The following STK33 variants were observed in gnomAD, a reference collection of about 807,000 sequenced individuals.
STK33 encodes serine/threonine-protein kinase 33.
STK33 carries 52 observed loss-of-function variants against 58.0 expected under a neutral mutation model. The observed-to-expected ratio is 0.90, with a 90% CI of 0.72 to 1.13. The LOEUF (loss-of-function observed/expected upper bound fraction) is 1.13. Among genes scored for constraint, STK33 ranks in the 50% most tolerant of loss-of-function variants. STK33 has a pLI of 0.00. For synonymous variants in STK33, 215 were observed against 200.1 expected (o/e 1.07, Z -0.63); for missense variants, 630 against 604.2 (o/e 1.04, Z -0.45).
chr11:8,547,638 G>A (rs10840071), intron 1 of STK33, among the ~76,000 whole-genome samples: 10,608 of 152,262 alleles, frequency 0.07, 746 homozygotes, highest in African/African-American at 0.19. Flanking sequence ...CCTTGTGGAT[G>A]GAGAGTTTGT....
the STK33 span, among the ~76,000 whole-genome samples, chr11:8,347,581 T>C: frequency 1.3e-5 from 2 of 152,186 alleles, no homozygotes; most frequent in Non-Finnish European, 2.9e-5. Flanking sequence ...AAACGAGCGC[T>C]ATGGAGGGTT....
intron 11 of STK33, among the ~76,000 whole-genome samples, chr11:8,446,672 C>T (rs1945512652): frequency 6.6e-6 from 1 of 152,156 alleles, no homozygotes; most frequent in African/African-American, 2.4e-5. Context: ...CACATATCTA[C>T]AACCATCTGA....
chr11:8,555,211 T>C (rs1216503226), intron 1 of STK33: 2 of 151,706 alleles, frequency 1.3e-5, no homozygotes, highest in Non-Finnish European at 2.9e-5. Flanking sequence ...GTCAAACTCA[T>C]AGAAGTAGAG....
intron 1 of STK33, among the ~76,000 whole-genome samples, chr11:8,584,812 G>A (rs887903340): frequency 1.3e-5 from 2 of 151,958 alleles, no homozygotes; most frequent in Non-Finnish European, 2.9e-5. Flanking sequence ...ATAACCCTAA[G>A]GTAAACAGGC....
intron 1 of STK33, among the ~76,000 whole-genome samples, chr11:8,497,974 G>C (rs1443651378): frequency 6.6e-6 from 1 of 151,920 alleles, no homozygotes; most frequent in Non-Finnish European, 1.5e-5. Context: ...CAAAATACTA[G>C]CCAACTGAAT....
At chr11:8,436,226 A>G (rs754710066) in intron 12 of STK33, 87 bp from the exon 13 acceptor site, 4 of 685,488 alleles carry the variant, frequency 5.8e-6, no homozygotes, top group Non-Finnish European at 9.0e-6. Context: ...ACTTGGAAGT[A>G]GTGTTGCTTC....
intron 1 of STK33, among the ~76,000 whole-genome samples, chr11:8,591,475 A>T (rs2032582294): frequency 6.6e-6 from 1 of 152,200 alleles, no homozygotes; most frequent in Non-Finnish European, 1.5e-5. Context: ...TATAAATCAT[A>T]AGCCATCATA....
the STK33 span, among the ~76,000 whole-genome samples, chr11:8,354,897 G>A: frequency 0.049 from 7,446 of 152,334 alleles, 261 homozygotes; most frequent in Non-Finnish European, 0.073. Context: ...GCCCAGCCTG[G>A]CAGGGCTGGG....
At chr11:8,528,836 A>G (rs1954275176) in intron 1 of STK33, among the ~76,000 whole-genome samples, 1 of 152,210 alleles carries the variant, frequency 6.6e-6, no homozygotes, top group African/African-American at 2.4e-5. Flanking sequence ...GACAAACCAA[A>G]ATGTTTGCAT....
chr11:8,387,144 C>A (rs1848555363), downstream of STK33, among the ~76,000 whole-genome samples: 1 of 152,192 alleles, frequency 6.6e-6, no homozygotes, highest in East Asian at 1.9e-4. Flanking sequence ...CCAAATTCGT[C>A]AACATGCAAA....
chr11:8,437,040 A>G (rs1488302491), intron 12 of STK33, among the ~76,000 whole-genome samples: 1 of 152,208 alleles, frequency 6.6e-6, no homozygotes, highest in Non-Finnish European at 1.5e-5. Context: ...AATGCCAAAA[A>G]GCCATTAAAA....
chr11:8,544,906 T>C (rs929633435), intron 1 of STK33, among the ~76,000 whole-genome samples: 2 of 152,200 alleles, frequency 1.3e-5, no homozygotes, highest in African/African-American at 2.4e-5. Flanking sequence ...TATTTAAATA[T>C]TGCCCTGAGA....
the STK33 span, among the ~76,000 whole-genome samples, chr11:8,360,683 C>T: frequency 1.3e-5 from 2 of 152,216 alleles, no homozygotes; most frequent in Non-Finnish European, 2.9e-5. Flanking sequence ...TCCATGCCCT[C>T]GGAATACTGA....
At chr11:8,462,571 G>GC (rs756232705) in intron 7 of STK33, among the ~76,000 whole-genome samples, 12 of 151,984 alleles carry the variant, frequency 7.9e-5, no homozygotes, top group Non-Finnish European at 1.8e-4. Flanking sequence ...AACTGAGGGA[G>GC]AAACAGGGAG....
At chr11:8,458,752 TC>T (rs2137164206) in intron 8 of STK33, among the ~76,000 whole-genome samples, 1 of 152,316 alleles carries the variant, frequency 6.6e-6, no homozygotes, top group South Asian at 2.1e-4. Context: ...CATACATATT[TC>T]TATTCAAACA....
At chr11:8,401,031 T>C (rs1409108452) in intron 15 of STK33, among the ~76,000 whole-genome samples, 2 of 152,014 alleles carry the variant, frequency 1.3e-5, no homozygotes, top group African/African-American at 2.4e-5. Flanking sequence ...ATCGTGAAAA[T>C]GGCCATACTA....
rs778585247 is a variant in STK33 at position 8,413,549 on chromosome 11, G to C, written c.1290C>G (p.Pro430=). Residue 430 remains proline (P), a synonymous_variant, in exon 15 of 16, where the codon CCC becomes CCG. Coordinates refer to ENST00000687296, the MANE Select transcript of STK33 (RefSeq NM_001352389.2). ...AATTGGCATCAGGGACATTTCCCCA[G>C]GGTTGGTAACTTTTCAACTTTTCTT... is the stretch of plus-strand genomic sequence containing the variant. ...STEEKLKSYQ[P]WGNVPDANYT... The C allele has an allele frequency of 1.2e-6, 2 of 1,613,890 alleles. No homozygotes were observed. The highest frequency in any genetic ancestry group is 1.7e-6 in the Non-Finnish European group (2 of 1,179,952).
chr11:8,512,834 G>C (rs1157605824), intron 1 of STK33, among the ~76,000 whole-genome samples: 1 of 152,016 alleles, frequency 6.6e-6, no homozygotes, highest in Non-Finnish European at 1.5e-5. Flanking sequence ...GCCTTCCTCA[G>C]GTACACAATT....
intron 10 of STK33, 84 bp downstream of exon 10, chr11:8,454,660 C>T (rs929458119): frequency 2.1e-6 from 3 of 1,426,192 alleles, no homozygotes; most frequent in African/African-American, 3.0e-5. Flanking sequence ...AAGCTAGCAA[C>T]ATGTGTCTAA....
Sources: gnomAD v4.1 joint callset for allele counts (sites outside exome capture counted in the v4.1 genomes callset) on GRCh38, gnomAD v4.1.1 for gene constraint, MANE v1.5 for transcripts, NCBI Gene and HGNC (gene_info 2026-07-23, HGNC 2026-07-21) for gene names.